ARHGEF11: variants seen among roughly 807,000 people sequenced by gnomAD.
ARHGEF11 encodes the protein Rho guanine exchange factor (GEF) 11.
ARHGEF11 carries 55 observed loss-of-function variants against 193.7 expected under a neutral mutation model. That is an observed-to-expected ratio of 0.28 (90% CI 0.23 to 0.36). The LOEUF (loss-of-function observed/expected upper bound fraction) is 0.36. ARHGEF11 is among the 10% of genes least tolerant of loss of function. The probability of loss-of-function intolerance (pLI) is 1.00; values close to 1 mark genes in which losing one functional copy is unlikely to be tolerated. For missense variants in ARHGEF11, 1,723 were observed against 2,005.6 expected (o/e 0.86, Z 2.69); for synonymous variants, 693 against 768.0 (o/e 0.90, Z 1.62).
At position 157,012,887 on chromosome 1, in the gene ARHGEF11, G is replaced by A. The variant is rs577212813; in HGVS notation, c.33-26714C>T. 8.5e-5 allele frequency among the ~76,000 whole-genome samples: 13 copies of A among 152,282 alleles called. No homozygotes were observed. The South Asian group carries it at 2.7e-3, about 32-fold the overall frequency. On this transcript the variant is annotated intron_variant, in intron 1 of 40. Coordinates refer to ENST00000368194, the MANE Select transcript of ARHGEF11 (RefSeq NM_198236.3). ...GGCCATTCATTCAACAAAATTTACTGTCTAATGTACATGAAGAAACATTAT... is the reference window on the plus strand; with the variant it reads ...GGCCATTCATTCAACAAAATTTACTATCTAATGTACATGAAGAAACATTAT...
At chr1:157,007,483 T>C (rs745535661) in intron 1 of ARHGEF11, among the ~76,000 whole-genome samples, 2 of 152,080 alleles carry the variant, frequency 1.3e-5, no homozygotes, top group Non-Finnish European at 2.9e-5. Context: ...TTACAGTCCT[T>C]AGGCTGAGAT....
chr1:156,969,593 A>G (rs1236762256), intron 9 of ARHGEF11, among the ~76,000 whole-genome samples: 2 of 152,122 alleles, frequency 1.3e-5, no homozygotes, highest in Non-Finnish European at 2.9e-5. Flanking sequence ...GGCACAGGCC[A>G]TGTCACCTCC....
intron 8 of ARHGEF11, among the ~76,000 whole-genome samples, chr1:156,971,277 G>T (rs1246561755): frequency 6.6e-6 from 1 of 152,174 alleles, no homozygotes; most frequent in Non-Finnish European, 1.5e-5. Flanking sequence ...AAAAGTACTT[G>T]TATTTCTTTG....
intron 39 of ARHGEF11, 27 bp from the exon 40 acceptor site, chr1:156,937,032 G>A (rs755283186): frequency 6.8e-6 from 11 of 1,606,724 alleles, no homozygotes; most frequent in Non-Finnish European, 9.4e-6. Flanking sequence ...GGGAATGTCT[G>A]CTCGAGTCCT....
At chr1:156,942,107 G>GT (rs1657125889) in intron 33 of ARHGEF11, 118 bp from the exon 34 acceptor site, 1 of 1,474,202 alleles carries the variant, frequency 6.8e-7, no homozygotes, top group African/African-American at 1.4e-5. Context: ...TGCCTGGCAG[G>GT]TGCCCACCTC....
chr1:156,961,842 A>G, intron 13 of ARHGEF11, 67 bp from the exon 14 acceptor site: 1 of 1,404,520 alleles, frequency 7.1e-7, no homozygotes, highest in Admixed American at 1.7e-5. Context: ...CCCCTAGGGG[A>G]CGTTTGGCCA....
In ARHGEF11 at chr1:156,937,359, T is replaced by C; in HGVS notation, c.4330A>G (p.Asn1444Asp). Residue 1444 changes from asparagine (N) to aspartate (D), a missense_variant, in exon 39 of 41, where the codon AAC becomes GAC. Transcript: ENST00000368194. ...TEPQPQLQGG[N>D]DDPRRPSRSP... ...CGGCTGGGGCGTCTTGGATCATCGT[T>C]GCCTCCCTGCAGCTGAGGCTGAGGC... 1.2e-6 allele frequency: 2 copies of C among 1,612,252 alleles called. No homozygotes were observed. Among genetic ancestry groups the C allele is most frequent in the South Asian group, 2.2e-5 (2 of 90,738 alleles).
At position 156,939,762 on chromosome 1, in the gene ARHGEF11, C is replaced by A; in HGVS notation, c.3882G>T (p.Gly1294=). 1.2e-6 allele frequency: 2 copies of A among 1,613,898 alleles called. No individual in the cohort carries two copies. Among genetic ancestry groups the A allele is most frequent in the Non-Finnish European group, 1.7e-6 (2 of 1,179,948 alleles). Residue 1294 remains glycine (G), a synonymous_variant, in exon 37 of 41, where the codon GGG becomes GGT. Coordinates refer to ENST00000368194, the MANE Select transcript of ARHGEF11 (RefSeq NM_198236.3). The part of the protein sequence containing the change: ...TSHPWDPGSP[G]QAPPGGEGDN... Reference sequence around the variant, plus strand: ...CCCCTTCACCCCCAGGGGGTGCTTGCCCTGGGGAGCCTGGGTCCCAGGGGT... The same window carrying A: ...CCCCTTCACCCCCAGGGGGTGCTTGACCTGGGGAGCCTGGGTCCCAGGGGT...
chr1:157,032,046 T>C (rs1671371338), intron 1 of ARHGEF11, among the ~76,000 whole-genome samples: 1 of 152,236 alleles, frequency 6.6e-6, no homozygotes, highest in East Asian at 1.9e-4. Context: ...TGACATTTAC[T>C]ATAAGCTTTG....
At chr1:156,984,559 A>G (rs1276136354) in intron 2 of ARHGEF11, 122 bp from the exon 3 acceptor site, 9 of 656,400 alleles carry the variant, frequency 1.4e-5, no homozygotes, top group Non-Finnish European at 2.7e-6. Flanking sequence ...CACACTAAAC[A>G]AATTCCCTAG....
chr1:156,993,293 C>T (rs1666028303), intron 1 of ARHGEF11, among the ~76,000 whole-genome samples: 1 of 152,144 alleles, frequency 6.6e-6, no homozygotes. Context: ...TTCTCTTTTA[C>T]ATACATACAC....
intron 26 of ARHGEF11, 57 bp downstream of exon 26, chr1:156,947,247 G>GAA: frequency 1.3e-6 from 2 of 1,558,758 alleles, no homozygotes; most frequent in Non-Finnish European, 1.7e-6. Flanking sequence ...GGGCCAAAGT[G>GAA]GAACAGGAAG....
At chr1:157,034,639 T>C (rs1403029801) in intron 1 of ARHGEF11, among the ~76,000 whole-genome samples, 3 of 152,170 alleles carry the variant, frequency 2.0e-5, no homozygotes, top group Middle Eastern at 3.4e-3. Flanking sequence ...AAAGAGCACA[T>C]AGGGAGTATA....
At chr1:156,936,498 AT>A (rs1441112827) in intron 40 of ARHGEF11, among the ~76,000 whole-genome samples, 497 of 35,412 alleles carry the variant, frequency 0.014, 2 homozygotes, top group African/African-American at 0.022. Flanking sequence ...AAAAAAAAAA[AT>A]ATATATATAT....
At chr1:156,972,896 T>C (rs1225558192) in intron 7 of ARHGEF11, among the ~76,000 whole-genome samples, 1 of 152,218 alleles carries the variant, frequency 6.6e-6, no homozygotes, top group Non-Finnish European at 1.5e-5. Context: ...GTCTCCTTTT[T>C]CCAATGGCTC....
intron 1 of ARHGEF11, among the ~76,000 whole-genome samples, chr1:157,007,314 GA>G (rs1488028808): frequency 1.3e-5 from 2 of 152,146 alleles, no homozygotes; most frequent in Non-Finnish European, 2.9e-5. Flanking sequence ...AAAGGAAAGA[GA>G]AACCAGCAAA....
chr1:156,971,978 T>C (rs1031814832), intron 7 of ARHGEF11, among the ~76,000 whole-genome samples, 162 bp from the exon 8 acceptor site: 1 of 152,066 alleles, frequency 6.6e-6, no homozygotes, highest in South Asian at 2.1e-4. Flanking sequence ...TTCAACATCA[T>C]TCAGGATCAG....
rs756397071 is a variant in ARHGEF11, at chr1:156,947,852, G to T, written c.2258C>A (p.Ala753Asp). The change falls in exon 25 of 41, where the codon GCC becomes GAC. Residue 753 changes from alanine (A) to aspartate (D), a missense_variant. By Grantham distance (126) the Ala-to-Asp change is moderately radical. Coordinates refer to ENST00000368194, the MANE Select transcript of ARHGEF11 (RefSeq NM_198236.3). ...GCCCACTGTATGCTGCCAATTTTGG[G>T]CATCTGGCTCTGGCTCCAGGTCAGA... ...QLSDLEPEPD[A>D]QNWQHTVGKD... 6 of 1,614,002 alleles carry T rather than the reference G, an allele frequency of 3.7e-6. No homozygotes were observed. In the Admixed American group the frequency reaches 8.3e-5, roughly 22 times the overall value.
intron 15 of ARHGEF11, among the ~76,000 whole-genome samples, chr1:156,959,943 C>CACAA (rs1660581484): frequency 1.0e-5 from 1 of 97,100 alleles, no homozygotes; most frequent in African/African-American, 3.9e-5. Context: ...CCCCCCCCCC[C>CACAA]AAAAAAAACA....
Sources: gnomAD v4.1 joint callset for allele counts (sites outside exome capture counted in the v4.1 genomes callset) on GRCh38, gnomAD v4.1.1 for gene constraint, MANE v1.5 for transcripts, NCBI Gene and HGNC (gene_info 2026-07-23, HGNC 2026-07-21) for gene names.